SLC2A6: variants seen among roughly 807,000 people sequenced by gnomAD.
The protein encoded by SLC2A6 is solute carrier family 2, facilitated glucose transporter member 6.
In SLC2A6, 39 loss-of-function variants were observed where a neutral mutation model predicts 47.8. That is an observed-to-expected ratio of 0.82 (90% CI 0.63 to 1.07). The LOEUF is 1.07. Among genes scored for constraint, SLC2A6 ranks in the 50% least tolerant of loss-of-function variants. The pLI is 0.00. For missense variants in SLC2A6, 650 were observed against 707.6 expected (o/e 0.92, Z 0.92); for synonymous variants, 346 against 324.1 (o/e 1.07, Z -0.73).
chr9:133,472,152 A>T lies in SLC2A6; in HGVS notation c.1393T>A (p.Phe465Ile), dbSNP rs782071064. 2 of 1,613,140 alleles carry T rather than the reference A, an allele frequency of 1.2e-6. No individual in the cohort carries two copies. The highest frequency in any genetic ancestry group is 2.2e-5 in the South Asian group (2 of 91,080). The change falls in exon 10 of 10, where the codon TTC (phenylalanine) becomes ATC (isoleucine). Residue 465 changes from phenylalanine (F) to isoleucine (I), a missense_variant. Phe to Ile is a conservative substitution (Grantham distance 21). Coordinates refer to ENST00000371899, the MANE Select transcript of SLC2A6 (RefSeq NM_017585.4). ...AAGCAGATGGCCGCGAAGAAGAAGA[A>T]AGGCACCTGGAGGCCGAAGGTGCTC... Reference protein sequence around the residue: ...VVSTFGLQVPFFFFAAICLVS... With the variant: ...VVSTFGLQVPIFFFAAICLVS...
In SLC2A6 at chr9:133,475,591, A is replaced by C. The variant is rs782105346; in HGVS notation, c.583T>G (p.Trp195Gly). The C allele has an allele frequency of 6.2e-7, 1 of 1,601,932 alleles. No homozygotes were observed. Among genetic ancestry groups the C allele is most frequent in the East Asian group, 2.2e-5 (1 of 44,610 alleles). Residue 195 changes from tryptophan to glycine, a missense_variant, in exon 5 of 10, where the codon TGG becomes GGG. Coordinates refer to ENST00000371899, the MANE Select transcript of SLC2A6 (RefSeq NM_017585.4). ...YALGLLLPWR[W>G]LAVAGEAPVL... The stretch of plus-strand genomic sequence containing the variant: ...GGCGCCTCCCCGGCCACAGCCAGCC[A>C]GCGCCACGGCAGCAGGAGGCCTGGG...
At chr9:133,476,065 T>C (rs1449399831) in intron 4 of SLC2A6, 172 bp downstream of exon 4, 4 of 580,362 alleles carry the variant, frequency 6.9e-6, no homozygotes, top group Non-Finnish European at 1.2e-5. Context: ...GGGCAGGCCC[T>C]GCCTGGAGGT....
chr9:133,475,184 C>G, intron 5 of SLC2A6, 71 bp from the exon 6 acceptor site: 1 of 1,448,142 alleles, frequency 6.9e-7, no homozygotes, highest in South Asian at 1.4e-5. Context: ...CCCTGGACCG[C>G]CAGGGGTTGT....
In SLC2A6 at chr9:133,477,383, G is replaced by C; in HGVS notation, c.256-142C>G. 6 of 752,350 alleles carry C rather than the reference G, an allele frequency of 8.0e-6. No homozygotes were observed. In the South Asian group the frequency reaches 1.0e-4, roughly 13 times the overall value. 46.6% of individuals were successfully genotyped at this position (752,350 alleles called of 1,614,324 possible). On this transcript the variant is annotated intron_variant, in intron 2 of 9. Transcript: ENST00000371899. ...CCAAGTCAAGCACTTGAAACAGGGA[G>C]CCTCCTGTCTTCAAGGAACAGCCAT...
intron 6 of SLC2A6, among the ~76,000 whole-genome samples, 154 bp from the exon 7 acceptor site, chr9:133,474,242 T>C (rs1249079293): frequency 6.6e-6 from 1 of 152,218 alleles, no homozygotes; most frequent in African/African-American, 2.4e-5. Context: ...TGGGCATCTA[T>C]ACTGTCCGAG....
In SLC2A6 at chr9:133,478,220, C is replaced by T. The variant is rs782156219; in HGVS notation, c.255+34G>A. ...ATAAGGCTCAGCAGGTCCCTCCTTCCTGCACCCACCCTCCTCCAGAGGATG... is the reference window on the plus strand; with the variant it reads ...ATAAGGCTCAGCAGGTCCCTCCTTCTTGCACCCACCCTCCTCCAGAGGATG... On this transcript the variant is annotated intron_variant, in intron 2 of 9. Transcript: ENST00000371899. 70 of 1,611,520 alleles carry T rather than the reference C, an allele frequency of 4.3e-5. No homozygotes were observed. In the Middle Eastern group the frequency reaches 5.0e-4, roughly 11 times the overall value.
In SLC2A6 at chr9:133,472,940, G is replaced by A. The variant is rs79543542; in HGVS notation, c.1368+165C>T. Among the ~76,000 whole-genome samples, 17 of 152,278 alleles carry A rather than the reference G, an allele frequency of 1.1e-4. No homozygotes were observed. In the East Asian group the frequency reaches 1.9e-3, roughly 17 times the overall value. On this transcript the variant is annotated intron_variant, in intron 9 of 9. Coordinates refer to ENST00000371899, the MANE Select transcript of SLC2A6 (RefSeq NM_017585.4). ...TGAAGAGCGTTTGCTAGGCTATCAC[G>A]TGACCACTCTGGGGTCTCTGAGTTC...
chr9:133,478,864 G>A (rs1400745398), intron 1 of SLC2A6, 104 bp downstream of exon 1: 1 of 997,438 alleles, frequency 1.0e-6, no homozygotes, highest in Non-Finnish European at 1.4e-6. Context: ...CCCCTCGGTG[G>A]CGACTAGGTC....
rs781897129 is a variant in SLC2A6, at chr9:133,474,034, TCAG to T, written c.979_981del (p.Leu327del). On this transcript the variant is annotated inframe_deletion, in exon 7 of 10. Transcript: ENST00000371899. ...GCGAGGTCCATGGTGAGGGCGGCGA[TCAG>T]CACGGACAGGAGCCGCACGGCCCCA... 1.5e-5 allele frequency: 24 copies of T among 1,610,790 alleles called. No individual in the cohort carries two copies. Among genetic ancestry groups the T allele is most frequent in the African/African-American group, 4.0e-5 (3 of 74,882 alleles).
chr9:133,473,530 G>T lies in SLC2A6; in HGVS notation c.1107C>A (p.Pro369=). 1.3e-6 allele frequency: 2 copies of T among 1,582,092 alleles called. No individual in the cohort carries two copies. Among genetic ancestry groups the T allele is most frequent in the Non-Finnish European group, 8.6e-7 (1 of 1,166,596 alleles). The change falls in exon 8 of 10, where the codon CCC becomes CCA. Residue 369 remains proline (P), a synonymous_variant. Transcript: ENST00000371899. The stretch of plus-strand genomic sequence containing the variant: ...CGCTTTCCAGGCCCGCAGTGCTGTT[G>T]GGGCTCAGAGGCCTGGGGCCAAAGT... ...YIHFGPRPLS[P]NSTAGLESES...
chr9:133,478,943 CA>C, intron 1 of SLC2A6, 24 bp downstream of exon 1: 1 of 1,534,790 alleles, frequency 6.5e-7, no homozygotes, highest in Non-Finnish European at 8.7e-7. Flanking sequence ...GCCCCACCCG[CA>C]GCCCCCAACC....
intron 6 of SLC2A6, among the ~76,000 whole-genome samples, chr9:133,474,632 G>C (rs1311726859): frequency 6.6e-6 from 1 of 152,204 alleles, no homozygotes; most frequent in East Asian, 1.9e-4. Context: ...CCAGGATGGA[G>C]TGCAGTGGTG....
rs914124612 is a variant in SLC2A6 at position 133,472,271 on chromosome 9, T to C, written c.1369-95A>G. On this transcript the variant is annotated intron_variant, in intron 9 of 9. Coordinates refer to ENST00000371899, the MANE Select transcript of SLC2A6 (RefSeq NM_017585.4). ...GGGCGCTGCTGGTAGTGACCAGCCC[T>C]GTGGGGCCTTCATCTGGTCCTTCCT... The C allele has an allele frequency of 3.5e-6, 5 of 1,415,764 alleles. No homozygotes were observed. The African/African-American group carries it at 5.7e-5, about 16-fold the overall frequency. The allele number at this position is 1,415,764 out of a possible 1,614,324, so 87.7% of individuals were successfully genotyped here.
At chr9:133,472,280 T>G in intron 9 of SLC2A6, 104 bp from the exon 10 acceptor site, 1 of 1,338,038 alleles carries the variant, frequency 7.5e-7, no homozygotes, top group East Asian at 2.4e-5. Flanking sequence ...CTGTGGGGCC[T>G]TCATCTGGTC....
intron 4 of SLC2A6, 178 bp downstream of exon 4, chr9:133,476,059 A>T: frequency 1.8e-6 from 1 of 569,392 alleles, no homozygotes. Flanking sequence ...CTAGAGGGGC[A>T]GGCCCTGCCT....
chr9:133,479,062 C>A lies in SLC2A6; in HGVS notation c.-3G>T. On this transcript the variant is annotated 5_prime_UTR_variant, in exon 1 of 10. Coordinates refer to ENST00000371899, the MANE Select transcript of SLC2A6 (RefSeq NM_017585.4). ...GCTCCCAGCAGCGGCTCCTGCATGG[C>A]CGGGTCTCTCTCGGGGCGAGCGGAG... 1.3e-6 allele frequency: 2 copies of A among 1,593,710 alleles called. No homozygotes were observed. The highest frequency in any genetic ancestry group is 1.7e-6 in the Non-Finnish European group (2 of 1,173,990).
chr9:133,478,920 G>A, intron 1 of SLC2A6, 48 bp downstream of exon 1: 1 of 1,496,530 alleles, frequency 6.7e-7, no homozygotes, highest in Non-Finnish European at 8.9e-7. Flanking sequence ...GAGGGAACCA[G>A]GGCCACCCCC....
intron 2 of SLC2A6, among the ~76,000 whole-genome samples, chr9:133,477,744 C>T (rs782443643): frequency 1.3e-5 from 2 of 152,224 alleles, no homozygotes; most frequent in South Asian, 2.1e-4. Flanking sequence ...CAGTGCCCAA[C>T]ACATGCCTGG....
intron 4 of SLC2A6, 38 bp downstream of exon 4, chr9:133,476,199 C>G (rs1843943126): frequency 6.5e-7 from 1 of 1,530,840 alleles, no homozygotes; most frequent in Non-Finnish European, 9.0e-7. Context: ...CCCACCCCTC[C>G]CACCAGCCTG....
Sources: allele counts gnomAD v4.1 joint callset (sites outside exome capture counted in the v4.1 genomes callset), GRCh38; gene constraint gnomAD v4.1.1; transcripts MANE v1.5; gene names NCBI Gene and HGNC (gene_info 2026-07-23, HGNC 2026-07-21).